RGS6: variants seen among roughly 807,000 people sequenced by gnomAD.
RGS6 encodes the protein regulator of G protein signaling 6, also known as regulator of G-protein signaling 6.
In RGS6, 30 loss-of-function variants were observed where a neutral mutation model predicts 78.5. That is an observed-to-expected ratio of 0.38 (90% CI 0.29 to 0.52). RGS6 has a LOEUF of 0.52. RGS6 is among the 20% of genes least tolerant of loss of function. The pLI is 0.85. For synonymous variants in RGS6, 206 were observed against 206.0 expected, an observed-to-expected ratio of 1.00 and a Z score of 0.00; for missense variants, 495 against 609.7, an observed-to-expected ratio of 0.81 and a Z score of 1.98.
chr14:71,875,079 A>C, the RGS6 span, among the ~76,000 whole-genome samples: 2 of 152,186 alleles, frequency 1.3e-5, no homozygotes, highest in Non-Finnish European at 2.9e-5. Context: ...ATCGATGTTC[A>C]TCAGGGATAT....
At chr14:72,258,090 T>C (rs554298698) in intron 2 of RGS6, among the ~76,000 whole-genome samples, 2 of 152,324 alleles carry the variant, frequency 1.3e-5, no homozygotes, top group South Asian at 4.1e-4. Flanking sequence ...CAGATTCATT[T>C]TGGAGCACTC....
At chr14:72,344,146 C>G (rs989721480) in intron 2 of RGS6, among the ~76,000 whole-genome samples, 1 of 152,056 alleles carries the variant, frequency 6.6e-6, no homozygotes, top group Non-Finnish European at 1.5e-5. Flanking sequence ...GCCATTTGAT[C>G]TCAGACTTAG....
At chr14:71,873,366 T>C in the RGS6 span, among the ~76,000 whole-genome samples, 17 of 152,208 alleles carry the variant, frequency 1.1e-4, 1 homozygote, top group Non-Finnish European at 2.5e-4. Flanking sequence ...TCATTGTGGT[T>C]TTGATTTGCA....
At chr14:72,353,982 TCAGCAA>T (rs1201956769) in intron 3 of RGS6, among the ~76,000 whole-genome samples, 34 of 148,790 alleles carry the variant, frequency 2.3e-4, no homozygotes, top group Middle Eastern at 3.5e-3. Context: ...AGACTCTGTC[TCAGCAA>T]CAACAACAAC....
intron 2 of RGS6, among the ~76,000 whole-genome samples, chr14:72,084,321 C>T (rs1235846870): frequency 6.6e-6 from 1 of 152,208 alleles, no homozygotes; most frequent in Non-Finnish European, 1.5e-5. Flanking sequence ...GTAATGCTCA[C>T]TCACCCACCG....
chr14:72,377,967 G>C (rs2085179666), intron 3 of RGS6, among the ~76,000 whole-genome samples: 1 of 152,172 alleles, frequency 6.6e-6, no homozygotes, highest in Admixed American at 6.5e-5. Context: ...CTGGGCAATA[G>C]AGTGAGACTC....
chr14:72,323,044 G>T (rs528080294), intron 2 of RGS6, among the ~76,000 whole-genome samples: 8 of 152,138 alleles, frequency 5.3e-5, no homozygotes, highest in Non-Finnish European at 1.0e-4. Flanking sequence ...AGCCTAGCTA[G>T]CCTAAGTAAA....
Position 71,964,703 on chromosome 14 carries a change from C to G in RGS6, c.-20-69C>G, listed in dbSNP as rs529214264. The G allele has an allele frequency of 2.9e-6, 3 of 1,049,368 alleles. No individual in the cohort carries two copies. In the South Asian group the frequency reaches 5.2e-5, roughly 18 times the overall value. The allele number at this position is 1,049,368 out of a possible 1,614,324, so 65.0% of individuals were successfully genotyped here. ...GGCATCTGCCAAAAGTTACTTAATT[C>G]TTTGCATTTCAAAGCCCTCTTTATA... On this transcript the variant is annotated intron_variant, in intron 1 of 17. Transcript: ENST00000553525.
intron 16 of RGS6, 74 bp from the exon 17 acceptor site, chr14:72,539,967 T>A: frequency 1.5e-6 from 2 of 1,332,612 alleles, no homozygotes; most frequent in East Asian, 4.9e-5. Flanking sequence ...CTGCTGCTGT[T>A]TGGGAACCAC....
At chr14:72,470,648 T>C (rs8016596) in intron 8 of RGS6, among the ~76,000 whole-genome samples, 9 of 151,616 alleles carry the variant, frequency 5.9e-5, no homozygotes, top group South Asian at 2.1e-4. Context: ...GAGACCGAGG[T>C]GGGGGTGGAT....
rs55943058 is a variant in RGS6, at chr14:72,363,999, T to TAAAAAAAAAAAAAAAAAAAA, written c.184+11813_184+11832dup. On this transcript the variant is annotated intron_variant, in intron 3 of 17. Transcript: ENST00000553525. The stretch of plus-strand genomic sequence containing the variant: ...ACCATCACTTGTCAGTGGACAAGGC[T>TAAAAAAAAAAAAAAAAAAAA]AAAAAAAAAAAAAAAAAAAAAAAAA... Among the ~76,000 whole-genome samples the TAAAAAAAAAAAAAAAAAAAA allele has an allele frequency of 6.4e-5, 3 of 46,756 alleles. 1 individual carries two copies. The highest frequency in any genetic ancestry group is 1.3e-4 in the African/African-American group (2 of 15,174). 30.7% of individuals were successfully genotyped at this position (46,756 alleles called of 152,430 possible).
chr14:72,096,561 C>T (rs893035831), intron 2 of RGS6, among the ~76,000 whole-genome samples: 2 of 152,076 alleles, frequency 1.3e-5, no homozygotes, highest in Admixed American at 6.6e-5. Flanking sequence ...TTGCTGTGTA[C>T]TCTAGACATA....
At chr14:72,550,371 G>A (rs1179133516) in intron 17 of RGS6, 29 of 1,110,796 alleles carry the variant, frequency 2.6e-5, no homozygotes, top group Admixed American at 2.2e-4. Flanking sequence ...TAGTGACAGG[G>A]CTGGAGAACC....
intron 2 of RGS6, among the ~76,000 whole-genome samples, chr14:72,052,987 C>A (rs4048385): frequency 3.7e-5 from 2 of 54,174 alleles, no homozygotes; most frequent in African/African-American, 1.8e-4. Context: ...CTTTCTTTCT[C>A]TCTCTCTCTC....
At chr14:71,911,662 A>G in the RGS6 span, among the ~76,000 whole-genome samples, 3 of 152,204 alleles carry the variant, frequency 2.0e-5, no homozygotes, top group Non-Finnish European at 4.4e-5. Flanking sequence ...CAGCAGCATT[A>G]CCATCCAGAC....
chr14:72,041,799 G>A (rs534895919), intron 2 of RGS6, among the ~76,000 whole-genome samples: 1 of 152,210 alleles, frequency 6.6e-6, no homozygotes, highest in East Asian at 1.9e-4. Flanking sequence ...TGTGGGGGGT[G>A]GGCAGGGAAT....
intron 2 of RGS6, among the ~76,000 whole-genome samples, chr14:72,256,441 A>G (rs2057099960): frequency 6.6e-6 from 1 of 152,198 alleles, no homozygotes; most frequent in Non-Finnish European, 1.5e-5. Context: ...GGCATTACCA[A>G]TCATGTGACC....
intron 2 of RGS6, among the ~76,000 whole-genome samples, chr14:72,237,583 G>T (rs549855124): frequency 6.6e-6 from 1 of 152,290 alleles, no homozygotes; most frequent in Admixed American, 6.5e-5. Context: ...CTAATTGTTG[G>T]AGCTAAACTA....
At chr14:72,364,542 T>C (rs2082110520) in intron 3 of RGS6, among the ~76,000 whole-genome samples, 1 of 152,220 alleles carries the variant, frequency 6.6e-6, no homozygotes, top group African/African-American at 2.4e-5. Context: ...ACTCCAACAT[T>C]GGAGCTTCCA....
Sources: allele counts gnomAD v4.1 joint callset (sites outside exome capture counted in the v4.1 genomes callset), GRCh38; gene constraint gnomAD v4.1.1; transcripts MANE v1.5; gene names NCBI Gene and HGNC (gene_info 2026-07-23, HGNC 2026-07-21).